The following CAMK2B variants were observed in gnomAD, a reference collection of about 807,000 sequenced individuals.
CAMK2B encodes the protein calcium/calmodulin-dependent protein kinase type II subunit beta.
Under a neutral mutation model 93.7 loss-of-function variants are expected in CAMK2B, and 27 were observed. The ratio of observed to expected loss-of-function variants is 0.29; its 90% CI spans 0.21 to 0.40. CAMK2B has a LOEUF of 0.40. Ranked by LOEUF, CAMK2B falls within the 10% of genes least tolerant of loss-of-function variation. The pLI, the probability that CAMK2B is intolerant of heterozygous loss-of-function variation, is 1.00. For missense variants in CAMK2B, 568 were observed against 895.8 expected (o/e 0.63, Z 4.67); for synonymous variants, 374 against 358.8 (o/e 1.04, Z -0.48).
chr7:44,289,078 G>A (rs1785984459), intron 1 of CAMK2B, among the ~76,000 whole-genome samples: 1 of 152,148 alleles, frequency 6.6e-6, no homozygotes, highest in Non-Finnish European at 1.5e-5. Flanking sequence ...GACTGCTGGT[G>A]CAGGCCCAGG....
At chr7:44,310,356 C>T (rs921159310) in intron 1 of CAMK2B, among the ~76,000 whole-genome samples, 17 of 152,110 alleles carry the variant, frequency 1.1e-4, no homozygotes, top group Admixed American at 1.0e-3. Flanking sequence ...TTCCTGGGGC[C>T]GGAAGGGACT....
rs115781483 is a variant in CAMK2B at position 44,306,647 on chromosome 7, T to C, written c.65+18710A>G. The stretch of plus-strand genomic sequence containing the variant: ...CTGGACCCAGCCTTGAAGCATGTGG[T>C]GGATTATGCAGATAATGCACAGGGG... On this transcript the variant is annotated intron_variant, in intron 1 of 23. Coordinates refer to ENST00000395749, the MANE Select transcript of CAMK2B (RefSeq NM_001220.5). 7.1e-3 allele frequency among the ~76,000 whole-genome samples: 1,080 copies of C among 152,200 alleles called. 20 individuals are homozygous for C. The highest frequency in any genetic ancestry group is 0.025 in the African/African-American group (1,039 of 41,512).
At position 44,225,917 on chromosome 7, in the gene CAMK2B, G is replaced by A. The variant is rs1180446667; in HGVS notation, c.1597+599C>T. The A allele has an allele frequency of 3.1e-6, 4 of 1,282,764 alleles. No individual in the cohort carries two copies. The highest frequency in any genetic ancestry group is 4.1e-6 in the Non-Finnish European group (4 of 984,204). The allele number at this position is 1,282,764 out of a possible 1,614,324, so 79.5% of individuals were successfully genotyped here. A position where few individuals can be genotyped will look rare whatever the true frequency, so the allele number is the denominator to read the frequency against. Reference sequence around the variant, plus strand: ...CTGTAAGTGATACTGCGGGTAGTCGGCAGACAGACCGGGAGGTGGCCCAGC... The same window carrying A: ...CTGTAAGTGATACTGCGGGTAGTCGACAGACAGACCGGGAGGTGGCCCAGC... On this transcript the variant is annotated intron_variant, in intron 20 of 23. Transcript: ENST00000395749. This position sits in a 1 kb window ranked among gnomAD's most constrained non-coding sequence, Gnocchi z 5.0.
At position 44,322,197 on chromosome 7, in the gene CAMK2B, T is replaced by C. The variant is rs912033179; in HGVS notation, c.65+3160A>G. On this transcript the variant is annotated intron_variant, in intron 1 of 23. Transcript: ENST00000395749. ...CGACGAGCACAGGTGTCAACAAGAC[T>C]GTTGAGTGAAAAGTACAAGTTCCAG... is the stretch of plus-strand genomic sequence containing the variant. 2.6e-5 allele frequency among the ~76,000 whole-genome samples: 4 copies of C among 152,324 alleles called. No individual in the cohort carries two copies. The East Asian group carries it at 7.7e-4, about 29-fold the overall frequency.
chr7:44,233,764 C>T (rs1248999062), intron 15 of CAMK2B, among the ~76,000 whole-genome samples: 2 of 152,190 alleles, frequency 1.3e-5, no homozygotes, highest in Non-Finnish European at 2.9e-5. Context: ...CCTCCCCTCC[C>T]CGGCAGGGAG....
intron 1 of CAMK2B, among the ~76,000 whole-genome samples, chr7:44,298,496 A>G (rs182229105): frequency 5.4e-4 from 82 of 152,352 alleles, no homozygotes; most frequent in African/African-American, 1.9e-3. Flanking sequence ...TTTCTTGGAT[A>G]TGACACCAAA....
In CAMK2B at chr7:44,228,810, G is replaced by C; in HGVS notation, c.1454C>G (p.Pro485Arg). ...PPCLSPALLG[P>R]LSSPSPRISD... is the part of the protein sequence containing the mutation. ...CCACTACTTACACGGGGAGGACAGGGGGCCTAGGAGAGCCGGAGACAGGCA... is the reference window on the plus strand; with the variant it reads ...CCACTACTTACACGGGGAGGACAGGCGGCCTAGGAGAGCCGGAGACAGGCA... Residue 485 changes from proline to arginine, a missense_variant, in exon 19 of 24, where the codon CCC (proline) becomes CGC (arginine). Around this residue, in one of 4 missense-constraint regions of CAMK2B, gnomAD observed 308 missense variants for 292.1 expected, o/e 1.05. Coordinates refer to ENST00000395749, the MANE Select transcript of CAMK2B (RefSeq NM_001220.5). The C allele has an allele frequency of 6.6e-7, 1 of 1,511,872 alleles. No individual in the cohort carries two copies. Among genetic ancestry groups the C allele is most frequent in the Non-Finnish European group, 8.8e-7 (1 of 1,134,602 alleles). The allele number at this position is 1,511,872 out of a possible 1,614,324, so 93.7% of individuals were successfully genotyped here.
intron 1 of CAMK2B, among the ~76,000 whole-genome samples, chr7:44,317,001 T>C (rs1794964590): frequency 6.6e-6 from 1 of 152,104 alleles, no homozygotes; most frequent in Non-Finnish European, 1.5e-5. Context: ...TTCTACCCTA[T>C]CATATAATTT....
intron 17 of CAMK2B, among the ~76,000 whole-genome samples, chr7:44,230,706 G>C (rs1200332317): frequency 6.6e-6 from 1 of 152,222 alleles, no homozygotes; most frequent in Admixed American, 6.5e-5. Flanking sequence ...CCATGGGCCT[G>C]TTTCCCCGTG....
At chr7:44,296,309 T>A (rs1788297450) in intron 1 of CAMK2B, among the ~76,000 whole-genome samples, 1 of 152,172 alleles carries the variant, frequency 6.6e-6, no homozygotes, top group South Asian at 2.1e-4. Flanking sequence ...AAATAAAGAA[T>A]GTCTTTGATG....
chr7:44,308,358 G>A (rs568758405), intron 1 of CAMK2B, among the ~76,000 whole-genome samples: 13 of 152,136 alleles, frequency 8.5e-5, no homozygotes, highest in Non-Finnish European at 1.6e-4. Context: ...CCAGGTGGCT[G>A]GGGGAAGAGA....
rs1197475424 is a variant in CAMK2B at position 44,218,738 on chromosome 7, C to G, written c.*787G>C. ...TGCCCCTCTTTGCACTTTACTCCCC[C>G]AGAAGGACCAGAGCTGGAGCCCTGG... On this transcript the variant is annotated 3_prime_UTR_variant, in exon 24 of 24. Coordinates refer to ENST00000395749, the MANE Select transcript of CAMK2B (RefSeq NM_001220.5). The G allele has an allele frequency of 1.3e-5, 2 of 152,470 alleles. No individual in the cohort carries two copies. Among genetic ancestry groups the G allele is most frequent in the East Asian group, 1.9e-4 (1 of 5,190 alleles). 9.4% of individuals were successfully genotyped at this position (152,470 alleles called of 1,614,324 possible).
intron 17 of CAMK2B, chr7:44,229,755 G>A: frequency 2.4e-6 from 1 of 408,498 alleles, no homozygotes. Context: ...GGGCAGCACA[G>A]GCCAGTGCAG....
In CAMK2B at chr7:44,314,609, A is replaced by G. The variant is rs74945131; in HGVS notation, c.65+10748T>C. 2.2e-4 allele frequency among the ~76,000 whole-genome samples: 34 copies of G among 152,330 alleles called. No homozygotes were observed. The East Asian group carries it at 6.4e-3, about 28-fold the overall frequency. ...GCTATGAACCAGTTTTTGTGTGGAC[A>G]TATGTTTTCATAGCTCTTGGGCATA... On this transcript the variant is annotated intron_variant, in intron 1 of 23. Coordinates refer to ENST00000395749, the MANE Select transcript of CAMK2B (RefSeq NM_001220.5).
At chr7:44,322,935 C>T (rs993698621) in intron 1 of CAMK2B, among the ~76,000 whole-genome samples, 2 of 152,248 alleles carry the variant, frequency 1.3e-5, no homozygotes, top group African/African-American at 4.8e-5. Flanking sequence ...CAGGAAGCAA[C>T]ACCAACTGTG....
Position 44,225,637 on chromosome 7 carries a change from G to C in CAMK2B, c.1597+879C>G. On this transcript the variant is annotated intron_variant, in intron 20 of 23. Coordinates refer to ENST00000395749, the MANE Select transcript of CAMK2B (RefSeq NM_001220.5). This position sits in a 1 kb window ranked among gnomAD's most constrained non-coding sequence, Gnocchi z 5.0. ...GCCTGCAGCCTGCATCCCCCTCCTCGAGCCGCTGCTCCTGTGGGTTCACTC... is the reference window on the plus strand; with the variant it reads ...GCCTGCAGCCTGCATCCCCCTCCTCCAGCCGCTGCTCCTGTGGGTTCACTC... The C allele has an allele frequency of 1.1e-6, 1 of 880,894 alleles. No homozygotes were observed. Among genetic ancestry groups the C allele is most frequent in the Non-Finnish European group, 1.6e-6 (1 of 628,128 alleles). 54.6% of individuals were successfully genotyped at this position (880,894 alleles called of 1,614,324 possible).
chr7:44,220,941 C>T, intron 20 of CAMK2B, 40 bp from the exon 21 acceptor site: 1 of 1,530,862 alleles, frequency 6.5e-7, no homozygotes, highest in Non-Finnish European at 8.8e-7. Context: ...GGGCGCTGGC[C>T]CATTCCCCCC....
chr7:44,241,044 C>T (rs746042488), intron 11 of CAMK2B, among the ~76,000 whole-genome samples: 17 of 152,212 alleles, frequency 1.1e-4, no homozygotes, highest in Non-Finnish European at 2.2e-4. Flanking sequence ...CTGGTCACCA[C>T]GGCAGCTCCT....
chr7:44,245,586 C>T (rs1267047114), intron 6 of CAMK2B, among the ~76,000 whole-genome samples: 2 of 152,180 alleles, frequency 1.3e-5, no homozygotes, highest in Non-Finnish European at 2.9e-5. Context: ...CACCAACCCA[C>T]GTGGCCCCGA....
Sources: gnomAD v4.1 joint callset for allele counts (sites outside exome capture counted in the v4.1 genomes callset) on GRCh38, gnomAD v4.1.1 for gene constraint, gnomAD v4.1.1 regional missense constraint, Gnocchi (gnomAD v3.1) non-coding constraint, MANE v1.5 for transcripts, NCBI Gene and HGNC (gene_info 2026-07-23, HGNC 2026-07-21) for gene names.